Variants in SAE1 observed in about 807,000 individuals in gnomAD.
SAE1 encodes the protein SUMO1 activating enzyme subunit 1.
A neutral mutation model predicts 40.6 loss-of-function variants in SAE1; 11 were observed. The observed-to-expected ratio is 0.27, with a 90% CI of 0.17 to 0.45. SAE1 has a LOEUF of 0.45. Among genes scored for constraint, SAE1 ranks in the 20% least tolerant of loss-of-function variants. SAE1 has a pLI of 1.00. For synonymous variants in SAE1, 155 were observed against 154.3 expected, an observed-to-expected ratio of 1.00 and a Z score of -0.03; for missense variants, 373 against 427.3, an observed-to-expected ratio of 0.87 and a Z score of 1.12.
intron 6 of SAE1, among the ~76,000 whole-genome samples, chr19:47,173,272 G>T (rs544642935): frequency 6.6e-6 from 1 of 152,026 alleles, no homozygotes; most frequent in South Asian, 2.1e-4. Context: ...GCTGGGATTA[G>T]AGGCGTGAGC....
At chr19:47,190,013 T>C (rs1276199878) in intron 6 of SAE1, among the ~76,000 whole-genome samples, 1 of 152,210 alleles carries the variant, frequency 6.6e-6, no homozygotes, top group Non-Finnish European at 1.5e-5. Flanking sequence ...GTTTTTTCTA[T>C]AAATAACGTG....
intron 7 of SAE1, among the ~76,000 whole-genome samples, chr19:47,198,835 C>T (rs1189612702): frequency 6.6e-6 from 1 of 152,200 alleles, no homozygotes; most frequent in Non-Finnish European, 1.5e-5. Context: ...CCTATAATCC[C>T]AGCACTTTGG....
chr19:47,134,652 A>C (rs1440858297), intron 1 of SAE1, among the ~76,000 whole-genome samples: 1 of 152,114 alleles, frequency 6.6e-6, no homozygotes, highest in Non-Finnish European at 1.5e-5. Context: ...TGGAAGGGTT[A>C]ATCGAAGGGG....
At chr19:47,171,356 C>T (rs1052987733) in intron 6 of SAE1, among the ~76,000 whole-genome samples, 5 of 148,354 alleles carry the variant, frequency 3.4e-5, no homozygotes, top group South Asian at 2.2e-4. Flanking sequence ...TGCAGTGGCA[C>T]GATCTTGGCA....
At chr19:47,205,946 G>A (rs1366024927) in intron 8 of SAE1, among the ~76,000 whole-genome samples, 1 of 152,320 alleles carries the variant, frequency 6.6e-6, no homozygotes, top group Admixed American at 6.5e-5. Context: ...GCCTTCAATG[G>A]CACCATCATG....
chr19:47,181,062 A>C (rs529513000), intron 6 of SAE1, among the ~76,000 whole-genome samples: 2 of 152,266 alleles, frequency 1.3e-5, no homozygotes, highest in African/African-American at 4.8e-5. Context: ...CACGCCTATA[A>C]TCCCAGCACT....
At chr19:47,185,116 T>G (rs2058536181) in intron 6 of SAE1, among the ~76,000 whole-genome samples, 1 of 152,006 alleles carries the variant, frequency 6.6e-6, no homozygotes, top group Non-Finnish European at 1.5e-5. Flanking sequence ...GAAGGTACCA[T>G]GCCCGGCCAT....
At chr19:47,168,444 C>T (rs1476754969) in intron 5 of SAE1, among the ~76,000 whole-genome samples, 5 of 152,030 alleles carry the variant, frequency 3.3e-5, no homozygotes, top group East Asian at 3.9e-4. Flanking sequence ...GCTGGTACCA[C>T]AGGTGCATGC....
chr19:47,132,427 T>G (rs529179958), intron 1 of SAE1, among the ~76,000 whole-genome samples: 72 of 151,154 alleles, frequency 4.8e-4, no homozygotes, highest in Non-Finnish European at 9.4e-4. Flanking sequence ...AATTTTTGTT[T>G]TTTTTTTTTT....
Position 47,155,116 on chromosome 19 carries a change from A to C in SAE1, c.530A>C (p.Glu177Ala). 1 of 1,600,272 alleles carries C rather than the reference A, an allele frequency of 6.2e-7. No individual in the cohort carries two copies. The highest frequency in any genetic ancestry group is 2.2e-5 in the East Asian group (1 of 44,808). Residue 177 changes from glutamate to alanine, a missense_variant and splice_region_variant, in exon 5 of 9, where the codon GAG becomes GCG. Glu to Ala is a moderately radical substitution (Grantham distance 107). Coordinates refer to ENST00000270225, the MANE Select transcript of SAE1 (RefSeq NM_005500.3). ...TCTCTCCCCTTGTCACCCTCTAGGG[A>C]GAAAACTAAAGTTGCCAAAGTTAGC... ...ANLGEHEFVE[E>A]KTKVAKVSQG...
intron 5 of SAE1, among the ~76,000 whole-genome samples, chr19:47,162,152 C>G (rs1180079696): frequency 8.5e-5 from 13 of 152,130 alleles, no homozygotes; most frequent in Non-Finnish European, 2.9e-5. Context: ...CAGGGCATTT[C>G]TTTTTGGTTT....
chr19:47,153,604 T>G (rs996728498), intron 4 of SAE1, among the ~76,000 whole-genome samples: 1 of 152,120 alleles, frequency 6.6e-6, no homozygotes, highest in Admixed American at 6.5e-5. Context: ...AGATAGGAGC[T>G]TCCTACCAAG....
chr19:47,160,214 A>ATTTTTTTTTTT (rs748289334), intron 5 of SAE1, among the ~76,000 whole-genome samples: 3 of 74,588 alleles, frequency 4.0e-5, no homozygotes, highest in African/African-American at 5.5e-5. Context: ...AAAATCCTGC[A>ATTTTTTTTTTT]TTTTTTTTTT....
At chr19:47,141,129 G>A (rs2123188348) in intron 1 of SAE1, among the ~76,000 whole-genome samples, 2 of 152,156 alleles carry the variant, frequency 1.3e-5, no homozygotes, top group East Asian at 3.9e-4. Context: ...ACTGTCCCGA[G>A]TAACTGGGAC....
chr19:47,173,886 G>C (rs967076021), intron 6 of SAE1, among the ~76,000 whole-genome samples: 5 of 151,092 alleles, frequency 3.3e-5, no homozygotes, highest in African/African-American at 1.2e-4. Context: ...CTGGGTTCAC[G>C]CCATTCTCCT....
At chr19:47,181,317 A>G (rs2058504514) in intron 6 of SAE1, among the ~76,000 whole-genome samples, 2 of 152,066 alleles carry the variant, frequency 1.3e-5, no homozygotes, top group African/African-American at 2.4e-5. Flanking sequence ...ACTCTATCTC[A>G]AAATAGTAAT....
chr19:47,142,801 C>T (rs564338965), intron 1 of SAE1, among the ~76,000 whole-genome samples: 6 of 152,186 alleles, frequency 3.9e-5, no homozygotes, highest in Non-Finnish European at 8.8e-5. Flanking sequence ...CATATGGCAT[C>T]TCCTCAGAAA....
At chr19:47,175,389 A>G (rs576694474) in intron 6 of SAE1, among the ~76,000 whole-genome samples, 1 of 152,294 alleles carries the variant, frequency 6.6e-6, no homozygotes, top group South Asian at 2.1e-4. Context: ...AGACAGTCAG[A>G]ATTTAGACCA....
intron 1 of SAE1, among the ~76,000 whole-genome samples, chr19:47,141,901 T>G (rs2058224374): frequency 6.6e-6 from 1 of 152,186 alleles, no homozygotes; most frequent in African/African-American, 2.4e-5. Flanking sequence ...TAATACATGA[T>G]GTAAAGTCTG....
Sources: gnomAD v4.1 joint callset for allele counts (sites outside exome capture counted in the v4.1 genomes callset) on GRCh38, gnomAD v4.1.1 for gene constraint, MANE v1.5 for transcripts, NCBI Gene and HGNC (gene_info 2026-07-23, HGNC 2026-07-21) for gene names.